The following PLD1 variants were observed in gnomAD, a reference collection of about 807,000 sequenced individuals.
PLD1 encodes phospholipase D1, also known as choline phosphatase 1.
A neutral mutation model predicts 137.1 loss-of-function variants in PLD1; 112 were observed. The observed-to-expected ratio is 0.82, with a 90% CI of 0.70 to 0.96. The LOEUF (loss-of-function observed/expected upper bound fraction) is 0.96, where lower values mean the gene tolerates loss of function less well. PLD1 is among the 40% of genes least tolerant of loss of function. The pLI, the probability that PLD1 is intolerant of heterozygous loss-of-function variation, is 0.00. For synonymous variants in PLD1, 431 were observed against 454.7 expected, an observed-to-expected ratio of 0.95 and a Z score of 0.66; for missense variants, 1,321 against 1,342.0, an observed-to-expected ratio of 0.98 and a Z score of 0.24.
chr3:171,716,150 T>C (rs1486321230), intron 8 of PLD1, among the ~76,000 whole-genome samples: 2 of 152,162 alleles, frequency 1.3e-5, no homozygotes, highest in Admixed American at 1.3e-4. Context: ...GATGGGTATT[T>C]AGGTTGATTC....
At chr3:171,620,603 T>A in intron 23 of PLD1, 83 bp from the exon 24 acceptor site, 1 of 772,252 alleles carries the variant, frequency 1.3e-6, no homozygotes, top group South Asian at 1.7e-5. Context: ...TCTCAAAACA[T>A]ACTACTTAGA....
At chr3:171,696,185 T>C (rs114140361) in intron 12 of PLD1, among the ~76,000 whole-genome samples, 1,974 of 152,314 alleles carry the variant, frequency 0.013, 18 homozygotes, top group Middle Eastern at 0.024. Context: ...CACAAGCTTC[T>C]AAGGTTGAGA....
chr3:171,646,476 C>A (rs1736221280), intron 21 of PLD1, among the ~76,000 whole-genome samples: 1 of 151,940 alleles, frequency 6.6e-6, no homozygotes, highest in African/African-American at 2.4e-5. Flanking sequence ...AATTTGGAGG[C>A]CTGTGAGTTT....
chr3:171,681,034 G>C (rs10222579), intron 16 of PLD1, among the ~76,000 whole-genome samples: 1 of 152,036 alleles, frequency 6.6e-6, no homozygotes, highest in Non-Finnish European at 1.5e-5. Context: ...AAAGTCCTCC[G>C]TAAACTGCTA....
At chr3:171,746,267 G>A (rs544265670) in intron 1 of PLD1, among the ~76,000 whole-genome samples, 9 of 152,198 alleles carry the variant, frequency 5.9e-5, no homozygotes, top group Non-Finnish European at 1.0e-4. Flanking sequence ...GTGCAGGCTC[G>A]CAGCGCGGGA....
chr3:171,620,323 C>T, intron 24 of PLD1, 63 bp downstream of exon 24: 1 of 1,269,694 alleles, frequency 7.9e-7, no homozygotes, highest in Non-Finnish European at 1.1e-6. Context: ...TAGCAGCAAA[C>T]ATTTTTGCAT....
chr3:171,655,438 T>G (rs1020593115), intron 21 of PLD1, among the ~76,000 whole-genome samples: 10 of 152,228 alleles, frequency 6.6e-5, no homozygotes, highest in Non-Finnish European at 1.3e-4. Context: ...TATAGTTCAC[T>G]GCAGCCTCAT....
At chr3:171,636,377 C>G (rs947387315) in intron 23 of PLD1, among the ~76,000 whole-genome samples, 1 of 152,028 alleles carries the variant, frequency 6.6e-6, no homozygotes, top group Non-Finnish European at 1.5e-5. Flanking sequence ...GTACTGCCAT[C>G]TTAACAATGC....
chr3:171,615,258 G>T (rs1178507256), intron 24 of PLD1, among the ~76,000 whole-genome samples: 1 of 152,170 alleles, frequency 6.6e-6, no homozygotes, highest in East Asian at 1.9e-4. Flanking sequence ...GTGCTTTTCA[G>T]TGAAGAGAGA....
At chr3:171,748,340 C>G (rs1720410508) in intron 1 of PLD1, among the ~76,000 whole-genome samples, 1 of 152,190 alleles carries the variant, frequency 6.6e-6, no homozygotes, top group African/African-American at 2.4e-5. Context: ...TTGCTAAAAA[C>G]TGTGGTCAGA....
At chr3:171,748,410 C>T (rs993351309) in intron 1 of PLD1, among the ~76,000 whole-genome samples, 11 of 150,796 alleles carry the variant, frequency 7.3e-5, no homozygotes, top group African/African-American at 2.2e-4. Flanking sequence ...TGGCCAAGAA[C>T]GGAATATTCA....
Position 171,620,385 on chromosome 3 carries a change from C to T in PLD1, c.2728+1G>A, listed in dbSNP as rs1321844166. 3 of 1,588,600 alleles carry T rather than the reference C, an allele frequency of 1.9e-6. No homozygotes were observed. The highest frequency in any genetic ancestry group is 1.7e-6 in the Non-Finnish European group (2 of 1,162,204). On this transcript the variant is annotated splice_donor_variant, in intron 24 of 26. Coordinates refer to ENST00000351298, the MANE Select transcript of PLD1 (RefSeq NM_002662.5). LOFTEE classifies it high-confidence loss of function. ...AATTATAGACCATATACTGTACTTA[C>T]CAATAATAACAGTGTTATCATCAGC...
At position 171,677,527 on chromosome 3, in the gene PLD1, G is replaced by A. The variant is rs771431977; in HGVS notation, c.1996+39C>T. 5 of 1,595,774 alleles carry A rather than the reference G, an allele frequency of 3.1e-6. No individual in the cohort carries two copies. The Admixed American group carries it at 5.1e-5, about 16-fold the overall frequency. On this transcript the variant is annotated intron_variant, in intron 17 of 26. Transcript: ENST00000351298. ...CTTGCTGAGATGTTCAAAGGTAAAA[G>A]ACAAAATATAACCAGCACCCCACCA...
At chr3:171,707,358 T>C (rs1483543692) in intron 11 of PLD1, among the ~76,000 whole-genome samples, 1 of 152,160 alleles carries the variant, frequency 6.6e-6, no homozygotes, top group African/African-American at 2.4e-5. Flanking sequence ...CTAGGCTCAA[T>C]AGAAAAATTA....
chr3:171,605,777 T>C (rs1732157590), intron 25 of PLD1, among the ~76,000 whole-genome samples: 3 of 152,126 alleles, frequency 2.0e-5, no homozygotes, highest in African/African-American at 7.2e-5. Context: ...ATTCTGTAGA[T>C]AGGAAACTAA....
intron 16 of PLD1, among the ~76,000 whole-genome samples, chr3:171,685,179 G>A (rs1366912976): frequency 6.6e-6 from 1 of 152,068 alleles, no homozygotes; most frequent in Non-Finnish European, 1.5e-5. Context: ...TTTATGTGTG[G>A]CCCAAGACAA....
At chr3:171,690,492 T>C (rs1312798972) in intron 13 of PLD1, among the ~76,000 whole-genome samples, 1 of 152,184 alleles carries the variant, frequency 6.6e-6, no homozygotes, top group Non-Finnish European at 1.5e-5. Context: ...TAGCTGTAAA[T>C]TTCCCCCTTT....
At chr3:171,651,402 G>C (rs191662219) in intron 21 of PLD1, among the ~76,000 whole-genome samples, 1 of 152,014 alleles carries the variant, frequency 6.6e-6, no homozygotes, top group Admixed American at 6.5e-5. Context: ...TGGATCTGTA[G>C]CTTCTTGGTC....
chr3:171,709,484 A>G (rs1253585047), intron 10 of PLD1, 76 bp downstream of exon 10: 1 of 1,269,230 alleles, frequency 7.9e-7, no homozygotes, highest in East Asian at 2.3e-5. Flanking sequence ...TTGAAAACTG[A>G]TTCCAGGTGA....
Sources: gnomAD v4.1 joint callset for allele counts (sites outside exome capture counted in the v4.1 genomes callset) on GRCh38, gnomAD v4.1.1 for gene constraint, MANE v1.5 for transcripts, NCBI Gene and HGNC (gene_info 2026-07-23, HGNC 2026-07-21) for gene names.